Variants in PEBP4 observed in about 807,000 individuals in gnomAD.
PEBP4 encodes phosphatidylethanolamine-binding protein 4.
In PEBP4, 22 loss-of-function variants were observed where a neutral mutation model predicts 23.9. The observed-to-expected ratio is 0.92, with a 90% confidence interval of 0.66 to 1.31. The LOEUF (loss-of-function observed/expected upper bound fraction) is 1.31, where lower values mean the gene tolerates loss of function less well. Ranked by LOEUF, PEBP4 falls within the 40% of genes most tolerant of loss-of-function variation. PEBP4 has a pLI of 0.00. For synonymous variants in PEBP4, 112 were observed against 99.3 expected, an observed-to-expected ratio of 1.13 and a Z score of -0.76; for missense variants, 324 against 281.7, an observed-to-expected ratio of 1.15 and a Z score of -1.07.
intron 3 of PEBP4, among the ~76,000 whole-genome samples, chr8:22,844,612 TTC>T (rs1317025939): frequency 2.0e-5 from 3 of 152,208 alleles, no homozygotes; most frequent in East Asian, 1.9e-4. Context: ...GTGTTCTCTT[TTC>T]TCTCTCTTTT....
intron 2 of PEBP4, among the ~76,000 whole-genome samples, chr8:22,925,564 C>T (rs936466009): frequency 1.3e-5 from 2 of 152,174 alleles, no homozygotes; most frequent in African/African-American, 4.8e-5. Flanking sequence ...GAGCACCTGG[C>T]ACACAGAAGG....
At chr8:22,752,484 C>T (rs1042215725) in intron 4 of PEBP4, among the ~76,000 whole-genome samples, 2 of 152,210 alleles carry the variant, frequency 1.3e-5, no homozygotes, top group African/African-American at 2.4e-5. Flanking sequence ...CCTTGGTTAA[C>T]GGGTTTCCAG....
intron 3 of PEBP4, among the ~76,000 whole-genome samples, chr8:22,848,259 G>A (rs190989183): frequency 2.0e-5 from 3 of 152,122 alleles, no homozygotes; most frequent in African/African-American, 2.4e-5. Flanking sequence ...AGAGAGAGAC[G>A]AGAGGCTGTA....
chr8:22,890,169 C>T (rs1216869506), intron 3 of PEBP4, among the ~76,000 whole-genome samples: 22 of 152,108 alleles, frequency 1.4e-4, no homozygotes, highest in Admixed American at 6.5e-5. Context: ...GCAACAATTG[C>T]GCTCTAGGAA....
chr8:22,817,611 CAG>C (rs775125340), intron 4 of PEBP4, 24 bp downstream of exon 4: 4 of 1,594,754 alleles, frequency 2.5e-6, no homozygotes, highest in Non-Finnish European at 3.4e-6. Context: ...CCAAATGCGT[CAG>C]AGAGTGCCTC....
intron 4 of PEBP4, among the ~76,000 whole-genome samples, chr8:22,730,922 C>T (rs1407214598): frequency 5.3e-5 from 8 of 152,164 alleles, no homozygotes; most frequent in Non-Finnish European, 1.2e-4. Flanking sequence ...GCCCAACCTG[C>T]AGGGTCTGGT....
chr8:22,871,701 C>T (rs995089153), intron 3 of PEBP4, among the ~76,000 whole-genome samples: 3 of 151,790 alleles, frequency 2.0e-5, no homozygotes, highest in African/African-American at 7.3e-5. Context: ...ATTACAGGCA[C>T]GTGCCACCAT....
chr8:22,715,774 T>C (rs1181864866), intron 6 of PEBP4, among the ~76,000 whole-genome samples: 3 of 152,170 alleles, frequency 2.0e-5, no homozygotes, highest in African/African-American at 7.2e-5. Context: ...CCTCCTTTCC[T>C]GGCTTGGCCG....
chr8:22,893,807 G>C (rs1421762265), intron 3 of PEBP4, among the ~76,000 whole-genome samples: 1 of 152,138 alleles, frequency 6.6e-6, no homozygotes, highest in Admixed American at 6.5e-5. Flanking sequence ...TCAGTGAGCT[G>C]TGGGACATCT....
Position 22,775,151 on chromosome 8 carries a change from GTTCTC to G in PEBP4, c.357+42481_357+42485del, listed in dbSNP as rs1013782867. Among the ~76,000 whole-genome samples, 1 of 152,238 alleles carries G rather than the reference GTTCTC, an allele frequency of 6.6e-6. No individual in the cohort carries two copies. Among genetic ancestry groups the G allele is most frequent in the Admixed American group, 6.5e-5 (1 of 15,288 alleles). ...CTGTACCATAAGAGACGGGCCCCAAGTTCTCTTCTAAGGTCATGTTCTAGGTTTTA... is the reference window on the plus strand; with the variant it reads ...CTGTACCATAAGAGACGGGCCCCAAGTTCTAAGGTCATGTTCTAGGTTTTA... On this transcript the variant is annotated intron_variant, in intron 4 of 6. Transcript: ENST00000256404. This position sits in a 1 kb window ranked among gnomAD's most constrained non-coding sequence, Gnocchi z 4.8.
rs138242575 is a variant in PEBP4, at chr8:22,911,556, C to G, written c.258+8628G>C. Reference sequence around the variant, plus strand: ...ACTGCTCTTCTAAAAATCTGCCAAACCTTTCTCAAAACTCCCCTTTAGGCC... The same window carrying G: ...ACTGCTCTTCTAAAAATCTGCCAAAGCTTTCTCAAAACTCCCCTTTAGGCC... On this transcript the variant is annotated intron_variant, in intron 3 of 6. Coordinates refer to ENST00000256404, the MANE Select transcript of PEBP4 (RefSeq NM_144962.3). Among the ~76,000 whole-genome samples the G allele has an allele frequency of 4.2e-4, 64 of 152,328 alleles. 1 individual carries two copies. The highest frequency in any genetic ancestry group is 1.3e-3 in the African/African-American group (54 of 41,580).
At chr8:22,932,432 G>A (rs894950530), upstream of PEBP4, among the ~76,000 whole-genome samples, 2 of 152,080 alleles carry the variant, frequency 1.3e-5, no homozygotes, top group African/African-American at 4.8e-5. Flanking sequence ...TAGCAATAAA[G>A]CTGTTTAAAA....
At chr8:22,815,527 G>A (rs549743507) in intron 4 of PEBP4, among the ~76,000 whole-genome samples, 240 of 152,352 alleles carry the variant, frequency 1.6e-3, no homozygotes, top group Non-Finnish European at 2.1e-3. Flanking sequence ...GGTTGACACC[G>A]TCTCTGTGGC....
chr8:22,919,492 C>T (rs961193123), intron 3 of PEBP4, among the ~76,000 whole-genome samples: 2 of 152,218 alleles, frequency 1.3e-5, no homozygotes, highest in African/African-American at 4.8e-5. Flanking sequence ...CCCCAAAACA[C>T]ACTCTGGCTG....
At chr8:22,915,245 T>A (rs1446440303) in intron 3 of PEBP4, among the ~76,000 whole-genome samples, 1 of 152,140 alleles carries the variant, frequency 6.6e-6, no homozygotes, top group Non-Finnish European at 1.5e-5. Flanking sequence ...ATTGCAAATC[T>A]GATCACATTT....
intron 4 of PEBP4, among the ~76,000 whole-genome samples, chr8:22,759,324 T>C (rs1363342042): frequency 1.3e-5 from 2 of 150,870 alleles, no homozygotes; most frequent in Non-Finnish European, 2.9e-5. Context: ...CCTGGCTTCT[T>C]GTCAAGTGAA....
At chr8:22,769,707 C>G (rs1194145505) in intron 4 of PEBP4, among the ~76,000 whole-genome samples, 1 of 152,180 alleles carries the variant, frequency 6.6e-6, no homozygotes, top group Non-Finnish European at 1.5e-5. Context: ...ATTCTGTCAG[C>G]TCTTCCTTCA....
At chr8:22,817,257 C>T (rs1276406514) in intron 4 of PEBP4, among the ~76,000 whole-genome samples, 1 of 152,230 alleles carries the variant, frequency 6.6e-6, no homozygotes, top group Non-Finnish European at 1.5e-5. Context: ...TCAGTGCCCC[C>T]AAATCCAGTG....
intron 4 of PEBP4, among the ~76,000 whole-genome samples, chr8:22,782,642 G>T (rs1805948912): frequency 6.6e-6 from 1 of 152,170 alleles, no homozygotes; most frequent in Non-Finnish European, 1.5e-5. Flanking sequence ...CGAGGGGTCT[G>T]CAAATGACCA....
Sources: allele counts gnomAD v4.1 joint callset (sites outside exome capture counted in the v4.1 genomes callset), GRCh38; gene constraint gnomAD v4.1.1; non-coding constraint Gnocchi (gnomAD v3.1); transcripts MANE v1.5; gene names NCBI Gene and HGNC (gene_info 2026-07-23, HGNC 2026-07-21).